The following SYNJ2 variants were observed in gnomAD, a reference collection of about 807,000 sequenced individuals.
SYNJ2 encodes synaptojanin 2.
Under a neutral mutation model 141.3 loss-of-function variants are expected in SYNJ2, and 116 were observed. The observed-to-expected ratio is 0.82, with a 90% CI of 0.71 to 0.96. The LOEUF is 0.96. Among genes scored for constraint, SYNJ2 ranks in the 40% least tolerant of loss-of-function variants. SYNJ2 has a pLI of 0.00. For synonymous variants in SYNJ2, 745 were observed against 777.7 expected, an observed-to-expected ratio of 0.96 and a Z score of 0.70; for missense variants, 1,873 against 1,934.8, an observed-to-expected ratio of 0.97 and a Z score of 0.60.
intron 1 of SYNJ2, among the ~76,000 whole-genome samples, chr6:158,008,773 T>C (rs1432691777): frequency 6.6e-6 from 1 of 152,230 alleles, no homozygotes; most frequent in Non-Finnish European, 1.5e-5. Context: ...AGTCCTCTCT[T>C]GCCCAGGTGG....
At chr6:158,077,223 A>G (rs964743080) in intron 17 of SYNJ2, among the ~76,000 whole-genome samples, 3 of 151,972 alleles carry the variant, frequency 2.0e-5, no homozygotes, top group Non-Finnish European at 4.4e-5. Flanking sequence ...TGAACTCCCA[A>G]CCTCAGGTGA....
chr6:158,067,842 GAAGCC>G (rs1454593546), intron 12 of SYNJ2: 1 of 985,198 alleles, frequency 1.0e-6, no homozygotes, highest in Non-Finnish European at 1.2e-6. Flanking sequence ...GGTGCCTCCA[GAAGCC>G]ATTCAGGATG....
chr6:157,998,097 C>G (rs761012135), intron 1 of SYNJ2, among the ~76,000 whole-genome samples: 3 of 152,224 alleles, frequency 2.0e-5, no homozygotes, highest in Non-Finnish European at 2.9e-5. Flanking sequence ...AGGCTGGAAA[C>G]CTTGGCTGGC....
At position 158,069,556 on chromosome 6, in the gene SYNJ2, G is replaced by C. The variant is rs749223713; in HGVS notation, c.1823G>C (p.Gly608Ala). The C allele has an allele frequency of 2.5e-6, 4 of 1,613,804 alleles. No homozygotes were observed. The South Asian group carries it at 4.4e-5, about 18-fold the overall frequency. ...AGTACTACCAACAAGAAGATGTGGG[G>C]TGAACAGCTTCAGAAAGCCATCTCA... ...NASTTNKKMW[G>A]EQLQKAISRS... The change falls in exon 14 of 27, where the codon GGT becomes GCT. Residue 608 changes from glycine to alanine, a missense_variant. Transcript: ENST00000355585.
At chr6:158,058,689 C>T (rs909030876) in intron 6 of SYNJ2, among the ~76,000 whole-genome samples, 4 of 152,142 alleles carry the variant, frequency 2.6e-5, no homozygotes, top group South Asian at 2.1e-4. Flanking sequence ...CACTTTGGGA[C>T]GCTGAGGTGG....
chr6:158,006,658 C>T (rs567442537), intron 1 of SYNJ2, among the ~76,000 whole-genome samples: 12 of 152,236 alleles, frequency 7.9e-5, no homozygotes, highest in East Asian at 3.9e-4. Context: ...TACAGGTGCA[C>T]GCCACACTCC....
intron 11 of SYNJ2, among the ~76,000 whole-genome samples, 166 bp from the exon 12 acceptor site, chr6:158,066,278 T>C (rs1421014956): frequency 6.6e-6 from 1 of 152,186 alleles, no homozygotes; most frequent in South Asian, 2.1e-4. Flanking sequence ...AGCCCCGTGG[T>C]GACCGTGGTT....
chr6:158,084,855 G>A lies in SYNJ2; in HGVS notation c.3208+681G>A, dbSNP rs1267153570. On this transcript the variant is annotated intron_variant, in intron 22 of 26. Coordinates refer to ENST00000355585, the MANE Select transcript of SYNJ2 (RefSeq NM_003898.4). This position sits in a 1 kb window ranked among gnomAD's most constrained non-coding sequence, Gnocchi z 5.0. ...AAACTTCTGATTCAATCCCAGTAGA[G>A]ACATAATCCATATCTATGTCCTGAG... Among the ~76,000 whole-genome samples the A allele has an allele frequency of 6.6e-6, 1 of 151,690 alleles. No individual in the cohort carries two copies. Among genetic ancestry groups the A allele is most frequent in the African/African-American group, 2.4e-5 (1 of 41,264 alleles).
chr6:157,993,841 G>A lies in SYNJ2; in HGVS notation c.127+11753G>A, dbSNP rs1777546600. Among the ~76,000 whole-genome samples, 4 of 106,808 alleles carry A rather than the reference G, an allele frequency of 3.7e-5. No homozygotes were observed. The South Asian group carries it at 1.4e-3, about 38-fold the overall frequency. 70.1% of individuals were successfully genotyped at this position (106,808 alleles called of 152,430 possible). A position where few individuals can be genotyped will look rare whatever the true frequency, so the allele number is the denominator to read the frequency against. On this transcript the variant is annotated intron_variant, in intron 1 of 26. Transcript: ENST00000355585. ...TTTTTTTTTTTTTTTTTGGGACGGA[G>A]TCTCGCTCTGTCTCCCAGGCTAGAG...
intron 21 of SYNJ2, 98 bp from the exon 22 acceptor site, chr6:158,083,903 C>A (rs563153282): frequency 6.9e-5 from 96 of 1,386,952 alleles, no homozygotes; most frequent in Middle Eastern, 3.6e-4. Context: ...GCAGGGTGCA[C>A]GTGTCCTGAC....
At chr6:158,059,484 C>G (rs1781074949) in intron 7 of SYNJ2, 131 bp downstream of exon 7, 4 of 1,480,046 alleles carry the variant, frequency 2.7e-6, no homozygotes, top group Admixed American at 2.2e-5. Context: ...TGAGGCTTCC[C>G]CAGCATTCCG....
intron 4 of SYNJ2, among the ~76,000 whole-genome samples, chr6:158,037,869 G>A (rs1779723925): frequency 6.6e-6 from 1 of 152,268 alleles, no homozygotes; most frequent in Non-Finnish European, 1.5e-5. Context: ...GGCAGCGCCT[G>A]TGGCCCTGTG....
chr6:158,012,845 C>T (rs1176968873), intron 1 of SYNJ2, among the ~76,000 whole-genome samples: 1 of 152,198 alleles, frequency 6.6e-6, no homozygotes, highest in Admixed American at 6.5e-5. Context: ...CTGCTGCCAG[C>T]AGAGTCTGCT....
chr6:157,987,267 G>T (rs190742413), intron 1 of SYNJ2, among the ~76,000 whole-genome samples: 157 of 151,734 alleles, frequency 1.0e-3, no homozygotes, highest in African/African-American at 3.3e-3. Flanking sequence ...GATTATAGGC[G>T]TGAGCCACTG....
intron 15 of SYNJ2, 23 bp from the exon 16 acceptor site, chr6:158,074,557 T>TA: frequency 1.2e-6 from 2 of 1,606,132 alleles, no homozygotes; most frequent in Non-Finnish European, 1.7e-6. Flanking sequence ...GGCTGAATGA[T>TA]TATGATTTTC....
In SYNJ2 at chr6:157,992,072, A is replaced by T. The variant is rs553829994; in HGVS notation, c.127+9984A>T. 5.3e-5 allele frequency among the ~76,000 whole-genome samples: 8 copies of T among 152,356 alleles called. No homozygotes were observed. The East Asian group carries it at 1.5e-3, about 29-fold the overall frequency. ...TACAGGCATGTAATATGTAATAACC[A>T]CATCATGGAAAATGGGGCATCCATC... is the stretch of plus-strand genomic sequence containing the variant. On this transcript the variant is annotated intron_variant, in intron 1 of 26. Coordinates refer to ENST00000355585, the MANE Select transcript of SYNJ2 (RefSeq NM_003898.4).
In SYNJ2 at chr6:158,059,489, A is replaced by T. The variant is rs1781075689; in HGVS notation, c.954+136A>T. On this transcript the variant is annotated intron_variant, in intron 7 of 26. Transcript: ENST00000355585. ...CTTCGTTTCCTGAGGCTTCCCCAGC[A>T]TTCCGACCAGTGAACACGGCAGTGC... 2.7e-6 allele frequency: 4 copies of T among 1,471,154 alleles called. No individual in the cohort carries two copies. The East Asian group carries it at 1.0e-4, about 37-fold the overall frequency. The allele number at this position is 1,471,154 out of a possible 1,614,324, so 91.1% of individuals were successfully genotyped here. A position where few individuals can be genotyped will look rare whatever the true frequency, so the allele number is the denominator to read the frequency against.
intron 7 of SYNJ2, chr6:158,059,556 CTTTTTTTTTTTTTT>C (rs71805887): frequency 3.4e-6 from 4 of 1,179,032 alleles, no homozygotes; most frequent in Non-Finnish European, 4.3e-6. Flanking sequence ...AATTTCTTTT[CTTTTTTTTTTTTTT>C]TAAGACAGAG....
intron 7 of SYNJ2, among the ~76,000 whole-genome samples, chr6:158,060,007 C>T (rs1781112695): frequency 6.6e-6 from 1 of 152,228 alleles, no homozygotes; most frequent in Non-Finnish European, 1.5e-5. Context: ...TCAGTCCAGC[C>T]CAGGAGCAGG....
Sources: gnomAD v4.1 joint callset for allele counts (sites outside exome capture counted in the v4.1 genomes callset) on GRCh38, gnomAD v4.1.1 for gene constraint, Gnocchi (gnomAD v3.1) non-coding constraint, MANE v1.5 for transcripts, NCBI Gene and HGNC (gene_info 2026-07-23, HGNC 2026-07-21) for gene names.